DLEU7: variants seen among roughly 807,000 people sequenced by gnomAD.
DLEU7 encodes the protein leukemia-associated protein 7.
DLEU7 carries 17 observed loss-of-function variants against 16.0 expected under a neutral mutation model. The ratio of observed to expected loss-of-function variants is 1.06; its 90% CI spans 0.73 to 1.59. DLEU7 has a LOEUF of 1.59. DLEU7 is among the 40% of genes most tolerant of loss of function. The probability of loss-of-function intolerance (pLI) is 0.00; values close to 1 mark genes in which losing one functional copy is unlikely to be tolerated. For missense variants in DLEU7, 308 were observed against 314.9 expected, an observed-to-expected ratio of 0.98 and a Z score of 0.17; for synonymous variants, 113 against 139.8, an observed-to-expected ratio of 0.81 and a Z score of 1.35.
chr13:50,741,129 C>A (rs1375758164), intron 1 of DLEU7, among the ~76,000 whole-genome samples: 1 of 152,158 alleles, frequency 6.6e-6, no homozygotes, highest in Non-Finnish European at 1.5e-5. Context: ...GTATTAGGAA[C>A]AATGCTCCAA....
intron 1 of DLEU7, among the ~76,000 whole-genome samples, chr13:50,766,269 C>T (rs572359276): frequency 5.9e-5 from 9 of 152,178 alleles, no homozygotes; most frequent in African/African-American, 1.9e-4. Flanking sequence ...CCATCACGTT[C>T]GGCATCATGT....
rs561511981 is a variant in DLEU7, at chr13:50,841,908, G to C, written c.459+1280C>G. ...TTCATTTTCTAACTTTCTAAAGTGA[G>C]TGTAGGAGTGCTTCTCATCTTGCCT... is the stretch of plus-strand genomic sequence containing the variant. On this transcript the variant is annotated intron_variant, in intron 1 of 1. Coordinates refer to ENST00000504404, the MANE Select transcript of DLEU7 (RefSeq NM_001306135.2). Among the ~76,000 whole-genome samples the C allele has an allele frequency of 7.9e-5, 12 of 152,262 alleles. No individual in the cohort carries two copies. In the East Asian group the frequency reaches 2.1e-3, roughly 27 times the overall value.
intron 1 of DLEU7, among the ~76,000 whole-genome samples, chr13:50,753,361 G>A (rs1014989306): frequency 3.3e-5 from 5 of 152,242 alleles, no homozygotes; most frequent in Non-Finnish European, 5.9e-5. Context: ...AGCAGGGGGC[G>A]GCGCTCGTTG....
chr13:50,842,428 G>A (rs377150300), intron 1 of DLEU7, among the ~76,000 whole-genome samples: 2 of 152,146 alleles, frequency 1.3e-5, no homozygotes, highest in African/African-American at 2.4e-5. Context: ...TTAGTTAATG[G>A]CAAGTCCAGG....
intron 1 of DLEU7, among the ~76,000 whole-genome samples, chr13:50,746,294 T>C (rs1271505155): frequency 6.6e-6 from 1 of 152,156 alleles, no homozygotes; most frequent in Non-Finnish European, 1.5e-5. Flanking sequence ...TCTTAAACAG[T>C]CCTACAATGA....
intron 1 of DLEU7, among the ~76,000 whole-genome samples, chr13:50,733,187 C>T (rs74078061): frequency 0.024 from 3,594 of 152,258 alleles, 145 homozygotes; most frequent in African/African-American, 0.082. Context: ...AGTGATGATG[C>T]TCAAGCCTCA....
intron 1 of DLEU7, among the ~76,000 whole-genome samples, chr13:50,739,076 G>C (rs139549551): frequency 2.9e-4 from 44 of 151,886 alleles, no homozygotes; most frequent in African/African-American, 1.0e-3. Context: ...CCTGCCTTGC[G>C]GCTTTACCAG....
chr13:50,829,239 A>G (rs139696732), intron 1 of DLEU7, among the ~76,000 whole-genome samples: 493 of 152,330 alleles, frequency 3.2e-3, no homozygotes, highest in Non-Finnish European at 5.7e-3. Context: ...GTGCTGAAGC[A>G]TACTGCTAGG....
intron 1 of DLEU7, among the ~76,000 whole-genome samples, chr13:50,743,136 A>AAG (rs35675993): frequency 0.043 from 6,487 of 150,172 alleles, 334 homozygotes; most frequent in East Asian, 0.23. Flanking sequence ...CTGTAAGAAA[A>AAG]AGAGAGAGAG....
intron 1 of DLEU7, among the ~76,000 whole-genome samples, chr13:50,756,339 G>A (rs1425737745): frequency 6.6e-6 from 1 of 152,126 alleles, no homozygotes; most frequent in Non-Finnish European, 1.5e-5. Context: ...CATCAGGTAG[G>A]GGCAGGACTA....
At chr13:50,779,050 A>G (rs1010285074) in intron 1 of DLEU7, among the ~76,000 whole-genome samples, 1 of 152,222 alleles carries the variant, frequency 6.6e-6, no homozygotes, top group Non-Finnish European at 1.5e-5. Context: ...ACAGGTGCTT[A>G]GTCCAGCTAA....
chr13:50,836,042 T>A (rs192365440), intron 1 of DLEU7, among the ~76,000 whole-genome samples: 1 of 152,378 alleles, frequency 6.6e-6, no homozygotes, highest in African/African-American at 2.4e-5. Flanking sequence ...TCCACAAGGA[T>A]TGTGCTTTTT....
chr13:50,749,330 T>C (rs1476791676), intron 1 of DLEU7, among the ~76,000 whole-genome samples: 1 of 152,126 alleles, frequency 6.6e-6, no homozygotes, highest in Non-Finnish European at 1.5e-5. Context: ...CTTTATCCAC[T>C]CTTTGATTGA....
rs368721515 is a variant in DLEU7 at position 50,843,356 on chromosome 13, G to A, written c.291C>T (p.Gly97=). Residue 97 remains glycine, a synonymous_variant, in exon 1 of 2, where the codon GGC becomes GGT. Transcript: ENST00000504404. This position sits in a 1 kb window ranked among gnomAD's most constrained non-coding sequence, Gnocchi z 5.7. Reference sequence around the variant, plus strand: ...CCCGGGGGAAGGGCAGCAACTCGGCGCCCCCCTCAGCGCCTCGCACTACCT... The same window carrying A: ...CCCGGGGGAAGGGCAGCAACTCGGCACCCCCCTCAGCGCCTCGCACTACCT... ...EEEVVRGAEG[G]AELLPFPRDR... The A allele has an allele frequency of 7.0e-6, 10 of 1,436,504 alleles. No homozygotes were observed. In the South Asian group the frequency reaches 1.3e-4, roughly 19 times the overall value. 89.0% of individuals were successfully genotyped at this position (1,436,504 alleles called of 1,614,324 possible).
intron 1 of DLEU7, among the ~76,000 whole-genome samples, chr13:50,772,331 C>T (rs1159269230): frequency 6.6e-6 from 1 of 152,004 alleles, no homozygotes. Context: ...GTTATTTTGC[C>T]CATTAGTTGA....
At chr13:50,810,663 T>G (rs920619715) in intron 1 of DLEU7, among the ~76,000 whole-genome samples, 2 of 151,336 alleles carry the variant, frequency 1.3e-5, no homozygotes, top group Non-Finnish European at 3.0e-5. Flanking sequence ...AACACAGAGG[T>G]GTTTTGTTGT....
intron 1 of DLEU7, among the ~76,000 whole-genome samples, chr13:50,801,936 G>T (rs1876260511): frequency 6.6e-6 from 1 of 151,960 alleles, no homozygotes; most frequent in Non-Finnish European, 1.5e-5. Context: ...TGCCTGCAGA[G>T]AATCTGTGCC....
intron 1 of DLEU7, among the ~76,000 whole-genome samples, chr13:50,751,485 G>A (rs1874562128): frequency 6.6e-6 from 1 of 152,098 alleles, no homozygotes; most frequent in Non-Finnish European, 1.5e-5. Context: ...CTATCTTGTG[G>A]AATAGTGTCA....
At chr13:50,755,757 G>A (rs971615489) in intron 1 of DLEU7, among the ~76,000 whole-genome samples, 10 of 151,792 alleles carry the variant, frequency 6.6e-5, no homozygotes, top group Admixed American at 5.2e-4. Flanking sequence ...TTTTTTGAGG[G>A]GGGGGGCACG....
Sources: allele counts gnomAD v4.1 joint callset (sites outside exome capture counted in the v4.1 genomes callset), GRCh38; gene constraint gnomAD v4.1.1; non-coding constraint Gnocchi (gnomAD v3.1); transcripts MANE v1.5; gene names NCBI Gene and HGNC (gene_info 2026-07-23, HGNC 2026-07-21).